Variants in IL12RB1 observed in about 807,000 individuals in gnomAD.
The protein encoded by IL12RB1 is interleukin-12 receptor subunit beta-1.
Under a neutral mutation model 94.4 loss-of-function variants are expected in IL12RB1, and 64 were observed. That is an observed-to-expected ratio of 0.68 (90% CI 0.55 to 0.83). The LOEUF (loss-of-function observed/expected upper bound fraction) is 0.83. IL12RB1 is among the 40% of genes least tolerant of loss of function. The probability of loss-of-function intolerance (pLI) is 0.00; values close to 1 mark genes in which losing one functional copy is unlikely to be tolerated. For synonymous variants in IL12RB1, 362 were observed against 355.5 expected (o/e 1.02, Z -0.21); for missense variants, 814 against 855.6 (o/e 0.95, Z 0.61).
At chr19:18,097,731 G>A in intron 1 of IL12RB1, 1 of 1,135,292 alleles carries the variant, frequency 8.8e-7, no homozygotes, top group Non-Finnish European at 1.1e-6. Flanking sequence ...GGCACCTGGC[G>A]GCGGGGCCTG....
rs1472690576 is a variant in IL12RB1, at chr19:18,068,409, G to A, written c.1307C>T (p.Thr436Ile). 6.2e-7 allele frequency: 1 copy of A among 1,612,780 alleles called. No individual in the cohort carries two copies. Among genetic ancestry groups the A allele is most frequent in the African/African-American group, 1.3e-5 (1 of 74,902 alleles). The change falls in exon 11 of 17, where the codon ACC (threonine) becomes ATC (isoleucine). Residue 436 changes from threonine to isoleucine, a missense_variant. Transcript: ENST00000593993. ...CTTACCATTGCCCCCAAAGTGGTAG[G>A]TGGACAGGACCGTAGACCACAAGGT... ...KLTLWSTVLS[T>I]YHFGGNASAA...
intron 11 of IL12RB1, among the ~76,000 whole-genome samples, 181 bp from the exon 12 acceptor site, chr19:18,066,878 T>G (rs1382885215): frequency 6.6e-6 from 1 of 151,788 alleles, no homozygotes; most frequent in Non-Finnish European, 1.5e-5. Flanking sequence ...AATACAAAAA[T>G]TAGCCAGGCA....
chr19:18,067,027 T>TA (rs34124195), intron 11 of IL12RB1, among the ~76,000 whole-genome samples: 577 of 129,586 alleles, frequency 4.5e-3, no homozygotes, highest in African/African-American at 9.7e-3. Context: ...ACCCTGTCTT[T>TA]AAAAAAAAAA....
In IL12RB1 at chr19:18,069,806, G is replaced by T. The variant is rs185007448; in HGVS notation, c.1022-93C>A. 12 of 940,014 alleles carry T rather than the reference G, an allele frequency of 1.3e-5. No homozygotes were observed. The African/African-American group carries it at 1.9e-4, about 15-fold the overall frequency. 58.2% of individuals were successfully genotyped at this position (940,014 alleles called of 1,614,324 possible). A position where few individuals can be genotyped will look rare whatever the true frequency, so the allele number is the denominator to read the frequency against. On this transcript the variant is annotated intron_variant, in intron 9 of 16. Coordinates refer to ENST00000593993, the MANE Select transcript of IL12RB1 (RefSeq NM_005535.3). ...CCTGCAGCCTCTCTCCCACCCTCTCGTCTATACCCCTGACCCTACAGGGCC... is the reference window on the plus strand; with the variant it reads ...CCTGCAGCCTCTCTCCCACCCTCTCTTCTATACCCCTGACCCTACAGGGCC...
At chr19:18,082,539 A>G (rs897751) in intron 2 of IL12RB1, among the ~76,000 whole-genome samples, 59,550 of 151,706 alleles carry the variant, frequency 0.39, 12,520 homozygotes, top group East Asian at 0.6. Context: ...CAGGGCCCCA[A>G]CTTTCCTCCT....
intron 9 of IL12RB1, among the ~76,000 whole-genome samples, chr19:18,071,677 A>AT (rs552210676): frequency 4.3e-3 from 632 of 147,610 alleles, no homozygotes; most frequent in African/African-American, 0.011. Flanking sequence ...TGATTATTGA[A>AT]TTTTTTTTTT....
At chr19:18,073,650 A>C (rs1274511086) in intron 7 of IL12RB1, 51 bp from the exon 8 acceptor site, 2 of 1,075,312 alleles carry the variant, frequency 1.9e-6, no homozygotes, top group African/African-American at 1.6e-5. Flanking sequence ...AGAAAGACTG[A>C]TGGATGTTTT....
rs2035106518 is a variant in IL12RB1, at chr19:18,072,165, T to C, written c.968A>G (p.Gln323Arg). 1 of 1,614,018 alleles carries C rather than the reference T, an allele frequency of 6.2e-7. No individual in the cohort carries two copies. The highest frequency in any genetic ancestry group is 8.5e-7 in the Non-Finnish European group (1 of 1,179,972). Residue 323 changes from glutamine to arginine, a missense_variant, in exon 9 of 17, where the codon CAA becomes CGA. Physicochemically the swap from Gln to Arg is conservative, Grantham distance 43 (BLOSUM62 1). Coordinates refer to ENST00000593993, the MANE Select transcript of IL12RB1 (RefSeq NM_005535.3). ...CGTCTGGTTCAGGCCAGGACCAAAT[T>C]GGTTCGAGGAGATGACAGCCACGTT... Reference protein sequence around the residue: ...AYNVAVISSNQFGPGLNQTWH... With the variant: ...AYNVAVISSNRFGPGLNQTWH...
In IL12RB1 at chr19:18,059,082, G is replaced by C. The variant is rs941957796; in HGVS notation, c.*526C>G. ...AATACCCAAGAGGAGGCTCATTTACGATGATTTTGAACAGCTGTGTAAGGT... is the reference window on the plus strand; with the variant it reads ...AATACCCAAGAGGAGGCTCATTTACCATGATTTTGAACAGCTGTGTAAGGT... On this transcript the variant is annotated 3_prime_UTR_variant, in exon 17 of 17. Transcript: ENST00000593993. 2 of 149,242 alleles carry C rather than the reference G, an allele frequency of 1.3e-5. No homozygotes were observed. Among genetic ancestry groups the C allele is most frequent in the Non-Finnish European group, 2.9e-5 (2 of 69,164 alleles). 9.2% of individuals were successfully genotyped at this position (149,242 alleles called of 1,614,324 possible).
At chr19:18,073,016 T>G (rs1295767605) in intron 8 of IL12RB1, among the ~76,000 whole-genome samples, 2 of 150,216 alleles carry the variant, frequency 1.3e-5, no homozygotes, top group Non-Finnish European at 3.0e-5. Flanking sequence ...AAATAAAGGA[T>G]TTTTGCTACA....
rs2034760527 is a variant in IL12RB1 at position 18,068,463 on chromosome 19, A to G, written c.1253T>C (p.Ile418Thr). ...CTTCTCGGGGTGCGCAGAGGCAAAG[A>G]TGGTAATGTAGTAACACTTTTCCTG... is the stretch of plus-strand genomic sequence containing the variant. ...MGQEKCYYIT[I>T]FASAHPEKLT... Residue 418 changes from isoleucine to threonine, a missense_variant, in exon 11 of 17, where the codon ATC becomes ACC. Coordinates refer to ENST00000593993, the MANE Select transcript of IL12RB1 (RefSeq NM_005535.3). 6.2e-7 allele frequency: 1 copy of G among 1,612,042 alleles called. No homozygotes were observed.
chr19:18,079,007 C>A (rs2035681079), intron 4 of IL12RB1, among the ~76,000 whole-genome samples: 1 of 151,986 alleles, frequency 6.6e-6, no homozygotes, highest in Non-Finnish European at 1.5e-5. Context: ...TCAAGACCAC[C>A]CTGGCCAACA....
chr19:18,089,644 A>C (rs2036544526), upstream of IL12RB1, among the ~76,000 whole-genome samples: 1 of 150,450 alleles, frequency 6.6e-6, no homozygotes, highest in Non-Finnish European at 1.5e-5. Context: ...AAAAAAGATG[A>C]ATTTTAGGTT....
In IL12RB1 at chr19:18,063,734, C is replaced by T. The variant is rs2034346410; in HGVS notation, c.1618+142G>A. On this transcript the variant is annotated intron_variant, in intron 13 of 16. Transcript: ENST00000593993. ...AAGCTGCGAGAGAAGGCAATGGGAG[C>T]AGTTTGAGCTGCTACTTTCTCCTGA... 8 of 681,596 alleles carry T rather than the reference C, an allele frequency of 1.2e-5. No individual in the cohort carries two copies. The East Asian group carries it at 2.3e-4, about 20-fold the overall frequency. The allele number at this position is 681,596 out of a possible 1,614,324, so 42.2% of individuals were successfully genotyped here. A position where few individuals can be genotyped will look rare whatever the true frequency, so the allele number is the denominator to read the frequency against.
At chr19:18,084,688 TCC>T (rs1568522870) in intron 1 of IL12RB1, among the ~76,000 whole-genome samples, 7,588 of 141,122 alleles carry the variant, frequency 0.054, 208 homozygotes, top group Middle Eastern at 0.076. Flanking sequence ...CATCCATCCA[TCC>T]ATCCATCCAT....
chr19:18,073,665 G>A (rs774161348), intron 7 of IL12RB1, 66 bp from the exon 8 acceptor site: 2 of 948,154 alleles, frequency 2.1e-6, no homozygotes, highest in Non-Finnish European at 3.4e-6. Context: ...TGTTTTCTTT[G>A]TAAATGATGG....
chr19:18,085,214 C>T (rs190881039), intron 1 of IL12RB1, among the ~76,000 whole-genome samples: 75 of 152,246 alleles, frequency 4.9e-4, no homozygotes, highest in African/African-American at 1.7e-3. Flanking sequence ...AGATTGGAAG[C>T]CTTGGGGGAG....
At chr19:18,070,710 G>C (rs1032566120) in intron 9 of IL12RB1, 6 of 167,758 alleles carry the variant, frequency 3.6e-5, no homozygotes, top group African/African-American at 1.2e-4. Context: ...AGGTGGAGAT[G>C]GGTGGATCAC....
At chr19:18,097,291 C>A (rs988516969) in intron 1 of IL12RB1, among the ~76,000 whole-genome samples, 2 of 152,132 alleles carry the variant, frequency 1.3e-5, no homozygotes, top group African/African-American at 4.8e-5. Context: ...GATTCTCCTG[C>A]CTCAGTCTTC....
Sources: allele counts gnomAD v4.1 joint callset (sites outside exome capture counted in the v4.1 genomes callset), GRCh38; gene constraint gnomAD v4.1.1; transcripts MANE v1.5; gene names NCBI Gene and HGNC (gene_info 2026-07-23, HGNC 2026-07-21).